The following DGCR8 variants were observed in gnomAD, a reference collection of about 807,000 sequenced individuals.
DGCR8 encodes the protein microprocessor complex subunit DGCR8.
DGCR8 carries 14 observed loss-of-function variants against 78.5 expected under a neutral mutation model. That is an observed-to-expected ratio of 0.18 (90% CI 0.12 to 0.28). The LOEUF is 0.28. Among genes scored for constraint, DGCR8 ranks in the 10% least tolerant of loss-of-function variants. The probability of loss-of-function intolerance (pLI) is 1.00; values close to 1 mark genes in which losing one functional copy is unlikely to be tolerated. For synonymous variants in DGCR8, 399 were observed against 402.4 expected (o/e 0.99, Z 0.10); for missense variants, 702 against 1,022.5 (o/e 0.69, Z 4.28).
rs1351089536 is a variant in DGCR8, at chr22:20,107,257, C to G, written c.1997-14C>G. 6.2e-7 allele frequency: 1 copy of G among 1,613,992 alleles called. No individual in the cohort carries two copies. Among genetic ancestry groups the G allele is most frequent in the East Asian group, 2.2e-5 (1 of 44,880 alleles). On this transcript the variant is annotated splice_polypyrimidine_tract_variant and intron_variant, in intron 11 of 13. Transcript: ENST00000351989. ...TTGTGACCCCCTCTCCATGCTTGCT[C>G]TTTCTCTGTGTAGGTAAGAACAAGA...
At chr22:20,090,604 T>C (rs1485695809) in intron 5 of DGCR8, among the ~76,000 whole-genome samples, 1 of 152,244 alleles carries the variant, frequency 6.6e-6, no homozygotes, top group African/African-American at 2.4e-5. Flanking sequence ...GGCATTGTTT[T>C]GATTTGTCTT....
At chr22:20,106,537 G>A (rs1734903281) in intron 10 of DGCR8, 55 bp from the exon 11 acceptor site, 2 of 1,343,418 alleles carry the variant, frequency 1.5e-6, no homozygotes, top group African/African-American at 2.9e-5. Flanking sequence ...CCTCCTCAGA[G>A]GCAGCTGGCT....
intron 9 of DGCR8, chr22:20,100,597 G>A (rs1237141268): frequency 2.0e-5 from 20 of 985,308 alleles, no homozygotes; most frequent in Non-Finnish European, 2.2e-5. Context: ...GAACCACTGT[G>A]GTTTCTGGTG....
chr22:20,109,117 A>C, intron 13 of DGCR8, 114 bp downstream of exon 13: 1 of 636,890 alleles, frequency 1.6e-6, no homozygotes, highest in Non-Finnish European at 2.9e-6. Flanking sequence ...AAATGCTTGG[A>C]TCCTCCTTCC....
At position 20,090,089 on chromosome 22, in the gene DGCR8, C is replaced by G. The variant is rs747633707; in HGVS notation, c.1137C>G (p.Val379=). The part of the protein sequence containing the change: ...DLTPSGDVSP[V]KPLSRSAELE... ...CCCCTAGTGGGGATGTGTCCCCCGT[C>G]AAGCCCCTGAGCCGATCTGCAGAGC... The change falls in exon 5 of 14, where the codon GTC becomes GTG. Residue 379 remains valine (V), a synonymous_variant. Coordinates refer to ENST00000351989, the MANE Select transcript of DGCR8 (RefSeq NM_022720.7). 9 of 1,614,128 alleles carry G rather than the reference C, an allele frequency of 5.6e-6. No homozygotes were observed. The highest frequency in any genetic ancestry group is 7.6e-6 in the Non-Finnish European group (9 of 1,180,050).
intron 12 of DGCR8, 119 bp from the exon 13 acceptor site, chr22:20,108,771 G>A (rs904157442): frequency 1.1e-4 from 16 of 143,934 alleles, no homozygotes; most frequent in Admixed American, 7.1e-4. Flanking sequence ...TGGCTGTTTC[G>A]TGTCTGCCAG....
At chr22:20,100,908 C>T (rs539090043) in intron 9 of DGCR8, 395 of 905,258 alleles carry the variant, frequency 4.4e-4, no homozygotes, top group Non-Finnish European at 5.1e-4. Flanking sequence ...CTGTGCCAGC[C>T]GCAAATGGGG....
chr22:20,090,239 G>T lies in DGCR8; in HGVS notation c.1287G>T (p.Val429=), dbSNP rs754774134. The T allele has an allele frequency of 6.2e-7, 1 of 1,602,320 alleles. No individual in the cohort carries two copies. Among genetic ancestry groups the T allele is most frequent in the South Asian group, 1.1e-5 (1 of 89,338 alleles). ...ALGQVKAKVE[V]CKDESVDLEE... ...GGCAGGTGAAGGCCAAAGTCGAGGT[G>T]TGCAAAGATGAATCCGTTGGTGAGT... The change falls in exon 5 of 14, where the codon GTG becomes GTT. Residue 429 remains valine, a synonymous_variant. Coordinates refer to ENST00000351989, the MANE Select transcript of DGCR8 (RefSeq NM_022720.7).
intron 9 of DGCR8, among the ~76,000 whole-genome samples, chr22:20,099,997 T>C (rs2049676455): frequency 6.6e-6 from 1 of 152,152 alleles, no homozygotes; most frequent in African/African-American, 2.4e-5. Context: ...GTGGACAGGC[T>C]ACAGACAGAT....
At chr22:20,094,656 G>GGGT in intron 8 of DGCR8, 57 bp from the exon 9 acceptor site, 2 of 1,489,088 alleles carry the variant, frequency 1.3e-6, no homozygotes, top group Non-Finnish European at 1.9e-6. Flanking sequence ...TCACTCTGCA[G>GGGT]GGTGGTGAGA....
At chr22:20,084,031 T>C (rs1036316093) in intron 1 of DGCR8, among the ~76,000 whole-genome samples, 41 of 152,134 alleles carry the variant, frequency 2.7e-4, no homozygotes, top group Admixed American at 8.5e-4. Context: ...ATCCAGGAAA[T>C]GGGGTGACAG....
chr22:20,092,102 G>A (rs1022262348), intron 7 of DGCR8, 132 bp downstream of exon 7: 1 of 711,860 alleles, frequency 1.4e-6, no homozygotes. Flanking sequence ...AGAGAGCAGC[G>A]TGCTGCAGAT....
At chr22:20,081,313 A>C (rs542111158) in intron 1 of DGCR8, among the ~76,000 whole-genome samples, 2 of 152,214 alleles carry the variant, frequency 1.3e-5, no homozygotes, top group Non-Finnish European at 2.9e-5. Context: ...CAACACAGCA[A>C]GTGGGCTAGG....
chr22:20,094,988 G>GA (rs35228063), intron 9 of DGCR8, among the ~76,000 whole-genome samples, 193 bp downstream of exon 9: 5 of 152,116 alleles, frequency 3.3e-5, no homozygotes, highest in African/African-American at 7.2e-5. Context: ...TATAGGCAGG[G>GA]AAAAAATGTC....
Position 20,089,174 on chromosome 22 carries a change from A to G in DGCR8, c.881-495A>G, listed in dbSNP as rs1220968602. Among the ~76,000 whole-genome samples, 1 of 152,264 alleles carries G rather than the reference A, an allele frequency of 6.6e-6. No homozygotes were observed. The highest frequency in any genetic ancestry group is 1.5e-5 in the Non-Finnish European group (1 of 68,048). ...GCAAAGAAGGGGTTGGGAGTAGTGT[A>G]TTAAACCAACTTAGAAACGGAATCA... is the stretch of plus-strand genomic sequence containing the variant. On this transcript the variant is annotated intron_variant, in intron 3 of 13. Coordinates refer to ENST00000351989, the MANE Select transcript of DGCR8 (RefSeq NM_022720.7). The surrounding 1 kb of genome is among the most constrained non-coding windows in gnomAD (Gnocchi z 4.9).
At position 20,100,477 on chromosome 22, in the gene DGCR8, G is replaced by C. The variant is rs373053096; in HGVS notation, c.1788+5682G>C. On this transcript the variant is annotated intron_variant, in intron 9 of 13. Transcript: ENST00000351989. ...AGACCCTGGCCCACCAAAACTCTTA[G>C]TATGGGTTGCTGCAGACGATGGTGC... 21 of 985,360 alleles carry C rather than the reference G, an allele frequency of 2.1e-5. 1 individual carries two copies. The African/African-American group carries it at 2.6e-4, about 12-fold the overall frequency. 61.0% of individuals were successfully genotyped at this position (985,360 alleles called of 1,614,324 possible).
chr22:20,093,037 A>T, intron 8 of DGCR8, 130 bp downstream of exon 8: 1 of 625,032 alleles, frequency 1.6e-6, no homozygotes, highest in South Asian at 2.2e-5. Flanking sequence ...TTATTTATGT[A>T]ATCATCTACT....
intron 5 of DGCR8, 77 bp from the exon 6 acceptor site, chr22:20,091,358 C>T: frequency 6.9e-7 from 1 of 1,453,908 alleles, no homozygotes; most frequent in South Asian, 1.1e-5. Context: ...CTGGGCCTGC[C>T]CCATGCACTG....
rs961004597 is a variant in DGCR8, at chr22:20,093,553, T to C, written c.1705+646T>C. Among the ~76,000 whole-genome samples, 4 of 152,256 alleles carry C rather than the reference T, an allele frequency of 2.6e-5. No individual in the cohort carries two copies. The East Asian group carries it at 5.8e-4, about 22-fold the overall frequency. On this transcript the variant is annotated intron_variant, in intron 8 of 13. Transcript: ENST00000351989. ...CTGTAGTGCTTGTTTGTTTTTAAAC[T>C]GAGCAGCATGTGGGCATGCCAGGAG...
Sources: gnomAD v4.1 joint callset for allele counts (sites outside exome capture counted in the v4.1 genomes callset) on GRCh38, gnomAD v4.1.1 for gene constraint, Gnocchi (gnomAD v3.1) non-coding constraint, MANE v1.5 for transcripts, NCBI Gene and HGNC (gene_info 2026-07-23, HGNC 2026-07-21) for gene names.